The following SUGCT variants were observed in gnomAD, a reference collection of about 807,000 sequenced individuals.
SUGCT encodes succinyl-CoA:glutarate-CoA transferase.
In SUGCT, 41 loss-of-function variants were observed where a neutral mutation model predicts 55.0. The observed-to-expected ratio is 0.74, with a 90% CI of 0.58 to 0.97. The LOEUF (loss-of-function observed/expected upper bound fraction) is 0.97. Among genes scored for constraint, SUGCT ranks in the 50% least tolerant of loss-of-function variants. The pLI is 0.00. For missense variants in SUGCT, 568 were observed against 547.8 expected (o/e 1.04, Z -0.37); for synonymous variants, 187 against 200.4 (o/e 0.93, Z 0.56).
intron 9 of SUGCT, among the ~76,000 whole-genome samples, chr7:40,389,576 C>A (rs1005223039): frequency 6.6e-6 from 1 of 152,140 alleles, no homozygotes; most frequent in Non-Finnish European, 1.5e-5. Flanking sequence ...TGGGGTCTTA[C>A]CCTGTGTCAG....
At chr7:40,578,475 T>A (rs558593650) in intron 12 of SUGCT, among the ~76,000 whole-genome samples, 1 of 152,176 alleles carries the variant, frequency 6.6e-6, no homozygotes, top group South Asian at 2.1e-4. Context: ...CAATTAGAGG[T>A]TTGTCAACCA....
rs545263469 is a variant in SUGCT at position 40,355,133 on chromosome 7, A to G, written c.816+38278A>G. On this transcript the variant is annotated intron_variant, in intron 9 of 13. Transcript: ENST00000335693. ...ATCTCTAGGCCACCAGATTCTGCCA[A>G]CCTCCTCTTCGTTACTGATAGTGGT... 7.9e-5 allele frequency among the ~76,000 whole-genome samples: 12 copies of G among 152,114 alleles called. No individual in the cohort carries two copies. In the East Asian group the frequency reaches 2.3e-3, roughly 29 times the overall value.
At chr7:40,837,834 G>A (rs764295113) in intron 13 of SUGCT, among the ~76,000 whole-genome samples, 4 of 152,040 alleles carry the variant, frequency 2.6e-5, no homozygotes, top group Non-Finnish European at 4.4e-5. Flanking sequence ...GGCTGGTCCC[G>A]ACCTCCTGAC....
At chr7:40,646,996 G>A (rs190106449) in intron 12 of SUGCT, among the ~76,000 whole-genome samples, 7 of 152,262 alleles carry the variant, frequency 4.6e-5, no homozygotes, top group African/African-American at 2.4e-5. Context: ...AATCCAGACC[G>A]CTGTGCTCTG....
intron 7 of SUGCT, among the ~76,000 whole-genome samples, chr7:40,245,423 A>ATATTTTTT (rs1344678220): frequency 5.5e-5 from 3 of 54,586 alleles, no homozygotes; most frequent in Non-Finnish European, 9.9e-5. Flanking sequence ...ATATATATAT[A>ATATTTTTT]TTTTTTTTTT....
intron 12 of SUGCT, among the ~76,000 whole-genome samples, chr7:40,692,097 T>C (rs1177380167): frequency 1.3e-5 from 2 of 152,148 alleles, no homozygotes; most frequent in Non-Finnish European, 2.9e-5. Context: ...TAGTCACTCG[T>C]TAATAATGTC....
chr7:40,407,887 C>T (rs190411454), intron 9 of SUGCT, among the ~76,000 whole-genome samples: 127 of 152,204 alleles, frequency 8.3e-4, no homozygotes, highest in African/African-American at 2.9e-3. Context: ...TTTTCTATTA[C>T]CATAAACTAC....
the SUGCT span, among the ~76,000 whole-genome samples, chr7:41,029,812 A>G: frequency 2.6e-5 from 4 of 152,184 alleles, no homozygotes; most frequent in Admixed American, 6.5e-5. Context: ...TGTATATTCT[A>G]TGAGTTTTGG....
In SUGCT at chr7:40,766,654, G is replaced by A. The variant is rs569160075; in HGVS notation, c.1153+17157G>A. ...AATTTTTTCCTGCCATATTCTCTTA[G>A]GGTATGTATAGAGAACTGCTGGAGT... On this transcript the variant is annotated intron_variant, in intron 13 of 13. Transcript: ENST00000335693. Among the ~76,000 whole-genome samples the A allele has an allele frequency of 6.6e-5, 10 of 152,240 alleles. No homozygotes were observed. The East Asian group carries it at 1.9e-3, about 29-fold the overall frequency.
At chr7:40,913,167 C>G in the SUGCT span, among the ~76,000 whole-genome samples, 1 of 152,102 alleles carries the variant, frequency 6.6e-6, no homozygotes, top group East Asian at 1.9e-4. Context: ...TGTGCCACCA[C>G]GCCCAGCTAA....
chr7:40,864,441 C>T (rs1221436949), downstream of SUGCT, among the ~76,000 whole-genome samples: 1 of 152,126 alleles, frequency 6.6e-6, no homozygotes, highest in African/African-American at 2.4e-5. Flanking sequence ...CATGAGCCAC[C>T]ATGCCCGGAA....
intron 12 of SUGCT, among the ~76,000 whole-genome samples, chr7:40,747,962 A>G (rs1787816507): frequency 6.6e-6 from 1 of 152,180 alleles, no homozygotes. Context: ...GGAAAATTCC[A>G]GCCTTCGTTT....
intron 9 of SUGCT, among the ~76,000 whole-genome samples, chr7:40,379,167 T>C (rs1459971906): frequency 6.6e-6 from 1 of 152,198 alleles, no homozygotes; most frequent in Non-Finnish European, 1.5e-5. Context: ...AGCAAGGAAC[T>C]GAATCTGTCC....
intron 9 of SUGCT, among the ~76,000 whole-genome samples, chr7:40,420,073 T>G (rs904306259): frequency 6.6e-6 from 1 of 152,072 alleles, no homozygotes; most frequent in Non-Finnish European, 1.5e-5. Context: ...AGTGTTGTAG[T>G]TGAGATACTG....
At chr7:40,990,391 A>G in the SUGCT span, among the ~76,000 whole-genome samples, 3 of 152,244 alleles carry the variant, frequency 2.0e-5, no homozygotes, top group Admixed American at 6.5e-5. Context: ...CGGTCTTAAA[A>G]TATTCAGTAA....
At chr7:40,953,840 C>T in the SUGCT span, among the ~76,000 whole-genome samples, 7 of 152,278 alleles carry the variant, frequency 4.6e-5, no homozygotes, top group African/African-American at 9.6e-5. Flanking sequence ...TACCCGGCCA[C>T]GTGAAGTATC....
chr7:40,166,454 T>C (rs1409578819), intron 1 of SUGCT, among the ~76,000 whole-genome samples: 1 of 152,262 alleles, frequency 6.6e-6, no homozygotes, highest in Non-Finnish European at 1.5e-5. Flanking sequence ...ATGAATTCAA[T>C]TTACAAGTTT....
chr7:40,594,138 A>G (rs1797874140), intron 12 of SUGCT, among the ~76,000 whole-genome samples: 2 of 152,162 alleles, frequency 1.3e-5, no homozygotes, highest in South Asian at 4.2e-4. Context: ...GATCACATGG[A>G]CACAGGAAGG....
At position 40,656,460 on chromosome 7, in the gene SUGCT, T is replaced by TTAGCTGGCACCTG. The variant is rs199579225; in HGVS notation, c.1090-92971_1090-92970insCTGGCACCTGTAG. Among the ~76,000 whole-genome samples, 1,018 of 152,302 alleles carry TTAGCTGGCACCTG rather than the reference T, an allele frequency of 6.7e-3. 8 individuals are homozygous for TTAGCTGGCACCTG. The highest frequency in any genetic ancestry group is 0.031 in the East Asian group (161 of 5,178). On this transcript the variant is annotated intron_variant, in intron 12 of 13. Transcript: ENST00000335693. The stretch of plus-strand genomic sequence containing the variant: ...AGAGGTAGCCGGTTTGCATTTGAGA[T>TTAGCTGGCACCTG]TAGGTTATTCTTTCTTGTTTTAAAA...
Sources: gnomAD v4.1 joint callset for allele counts (sites outside exome capture counted in the v4.1 genomes callset) on GRCh38, gnomAD v4.1.1 for gene constraint, MANE v1.5 for transcripts, NCBI Gene and HGNC (gene_info 2026-07-23, HGNC 2026-07-21) for gene names.